The following PLD5 variants were observed in gnomAD, a reference collection of about 807,000 sequenced individuals.
PLD5 encodes phospholipase D family member 5, also known as inactive phospholipase D5.
A neutral mutation model predicts 61.1 loss-of-function variants in PLD5; 36 were observed. The ratio of observed to expected loss-of-function variants is 0.59; its 90% confidence interval spans 0.45 to 0.78. The LOEUF (loss-of-function observed/expected upper bound fraction) is 0.78. PLD5 is among the 30% of genes least tolerant of loss of function. The probability of loss-of-function intolerance (pLI) is 0.00; values close to 1 mark genes in which losing one functional copy is unlikely to be tolerated. For missense variants in PLD5, 515 were observed against 644.4 expected (o/e 0.80, Z 2.17); for synonymous variants, 243 against 242.8 (o/e 1.00, Z -0.01).
intron 1 of PLD5, among the ~76,000 whole-genome samples, chr1:242,369,998 T>G (rs1273152845): frequency 6.6e-6 from 1 of 152,178 alleles, no homozygotes; most frequent in Admixed American, 6.5e-5. Flanking sequence ...TATGTTTTTC[T>G]GGATAAGAAA....
intron 1 of PLD5, among the ~76,000 whole-genome samples, chr1:242,430,058 G>C (rs1665635898): frequency 6.6e-6 from 1 of 152,052 alleles, no homozygotes; most frequent in East Asian, 1.9e-4. Context: ...GCCACCTTAG[G>C]CTCCACAAGT....
At chr1:242,449,040 G>T (rs1273046829) in intron 1 of PLD5, among the ~76,000 whole-genome samples, 1 of 152,184 alleles carries the variant, frequency 6.6e-6, no homozygotes, top group Admixed American at 6.5e-5. Context: ...AGAGGAAAGA[G>T]CACACTTCAG....
At position 242,089,076 on chromosome 1, in the gene PLD5, CTG is replaced by C. The variant is rs369787380; in HGVS notation, c.*776_*777del. 529 of 365,272 alleles carry C rather than the reference CTG, an allele frequency of 1.4e-3. 5 individuals are homozygous for C. The highest frequency in any genetic ancestry group is 0.01 in the African/African-American group (490 of 48,046). The allele number at this position is 365,272 out of a possible 1,614,324, so 22.6% of individuals were successfully genotyped here. ...TGAGAGAAAGGATACATATTGCTGACTGTGATTTTTTTTAAATACCAATTCGG... is the reference window on the plus strand; with the variant it reads ...TGAGAGAAAGGATACATATTGCTGACTGATTTTTTTTAAATACCAATTCGG... On this transcript the variant is annotated 3_prime_UTR_variant, in exon 10 of 10. Transcript: ENST00000536534.
intron 1 of PLD5, among the ~76,000 whole-genome samples, chr1:242,413,824 A>G (rs773686811): frequency 4.6e-5 from 7 of 152,190 alleles, no homozygotes; most frequent in Non-Finnish European, 1.0e-4. Context: ...TGGATGACCA[A>G]TAAGTGGTAT....
chr1:242,168,250 G>A (rs111957749), intron 5 of PLD5, among the ~76,000 whole-genome samples: 76 of 152,236 alleles, frequency 5.0e-4, no homozygotes, highest in African/African-American at 1.3e-3. Flanking sequence ...TAATATGAAC[G>A]TGTCAACAAT....
chr1:242,516,917 A>G lies in PLD5; in HGVS notation c.189+7171T>C, dbSNP rs1282823915. Among the ~76,000 whole-genome samples the G allele has an allele frequency of 4.6e-5, 7 of 152,244 alleles. No homozygotes were observed. In the South Asian group the frequency reaches 1.0e-3, roughly 23 times the overall value. ...AGGTCAATTTAGGGGAGAATTAAAAAGAAGTCTTACCAGCTTTTATTAAAT... is the reference window on the plus strand; with the variant it reads ...AGGTCAATTTAGGGGAGAATTAAAAGGAAGTCTTACCAGCTTTTATTAAAT... On this transcript the variant is annotated intron_variant, in intron 1 of 9. Transcript: ENST00000536534.
rs11361107 is a variant in PLD5 at position 242,404,875 on chromosome 1, A to ATTTTTTTTTTTTTTTTTTTTTTTTTTTT, written c.190-56634_190-56633insAAAAAAAAAAAAAAAAAAAAAAAAAAAA. Among the ~76,000 whole-genome samples the ATTTTTTTTTTTTTTTTTTTTTTTTTTTT allele has an allele frequency of 6.6e-5, 5 of 75,394 alleles. 1 individual carries two copies. Among genetic ancestry groups the ATTTTTTTTTTTTTTTTTTTTTTTTTTTT allele is most frequent in the African/African-American group, 2.4e-4 (4 of 16,360 alleles). The allele number at this position is 75,394 out of a possible 152,430, so 49.5% of individuals were successfully genotyped here. A position where few individuals can be genotyped will look rare whatever the true frequency, so the allele number is the denominator to read the frequency against. On this transcript the variant is annotated intron_variant, in intron 1 of 9. Transcript: ENST00000536534. ...CATGCCTCTTATCTGTTCCCTGCTA[A>ATTTTTTTTTTTTTTTTTTTTTTTTTTTT]TTTTTTTTTTTTTTTTTTTTTTGAG...
At chr1:242,103,064 C>T (rs970921963) in intron 8 of PLD5, among the ~76,000 whole-genome samples, 3 of 152,132 alleles carry the variant, frequency 2.0e-5, no homozygotes, top group African/African-American at 7.2e-5. Flanking sequence ...GACATGGACC[C>T]GTGACTTGGC....
intron 1 of PLD5, among the ~76,000 whole-genome samples, chr1:242,438,225 G>C (rs1019129421): frequency 1.3e-5 from 2 of 151,688 alleles, no homozygotes; most frequent in Admixed American, 1.3e-4. Context: ...CAGGGATGGC[G>C]TGACAGCATG....
intron 3 of PLD5, among the ~76,000 whole-genome samples, chr1:242,274,286 G>A (rs1234408252): frequency 1.3e-5 from 2 of 152,202 alleles, no homozygotes; most frequent in African/African-American, 2.4e-5. Context: ...CAGTGCTTAC[G>A]CCTATAATCC....
intron 1 of PLD5, among the ~76,000 whole-genome samples, chr1:242,383,015 G>A (rs1450636250): frequency 6.6e-6 from 1 of 152,082 alleles, no homozygotes; most frequent in Non-Finnish European, 1.5e-5. Context: ...TTGATTTGTG[G>A]TAGAAACAAA....
intron 1 of PLD5, among the ~76,000 whole-genome samples, chr1:242,387,143 C>T (rs996726184): frequency 1.3e-5 from 2 of 152,148 alleles, no homozygotes; most frequent in Admixed American, 1.3e-4. Flanking sequence ...ATAGATACTC[C>T]TGTTCATGGA....
At chr1:242,138,608 C>A (rs1663926858) in intron 5 of PLD5, among the ~76,000 whole-genome samples, 1 of 152,146 alleles carries the variant, frequency 6.6e-6, no homozygotes, top group South Asian at 2.1e-4. Flanking sequence ...ACATATTTTT[C>A]TGTAAACATA....
At chr1:242,408,893 C>G (rs1247071968) in intron 1 of PLD5, among the ~76,000 whole-genome samples, 1 of 151,996 alleles carries the variant, frequency 6.6e-6, no homozygotes, top group African/African-American at 2.4e-5. Flanking sequence ...ATGGTGAAAC[C>G]CTGTCTCTAC....
At chr1:242,495,658 T>C (rs933453698) in intron 1 of PLD5, among the ~76,000 whole-genome samples, 2 of 152,190 alleles carry the variant, frequency 1.3e-5, no homozygotes, top group African/African-American at 4.8e-5. Context: ...AAATAGAATG[T>C]TAACAAGGAG....
intron 1 of PLD5, among the ~76,000 whole-genome samples, chr1:242,402,289 CTT>C (rs1438001674): frequency 6.6e-6 from 1 of 150,410 alleles, no homozygotes; most frequent in Non-Finnish European, 1.5e-5. Flanking sequence ...AAGTAAGACA[CTT>C]TTTATTTTTT....
At chr1:242,373,276 C>T (rs1208731961) in intron 1 of PLD5, among the ~76,000 whole-genome samples, 9 of 152,004 alleles carry the variant, frequency 5.9e-5, no homozygotes, top group Non-Finnish European at 7.4e-5. Context: ...GTTAGAATGG[C>T]GATCATTAAA....
chr1:242,422,094 A>C (rs1030695959), intron 1 of PLD5, among the ~76,000 whole-genome samples: 1 of 152,210 alleles, frequency 6.6e-6, no homozygotes, highest in African/African-American at 2.4e-5. Context: ...TTTTATGAGT[A>C]AGCCTGTCCC....
At chr1:242,189,480 C>A (rs1179142576) in intron 5 of PLD5, among the ~76,000 whole-genome samples, 1 of 148,532 alleles carries the variant, frequency 6.7e-6, no homozygotes, top group African/African-American at 2.5e-5. Context: ...GATTTTAGAG[C>A]TCTGTCCACA....
Sources: gnomAD v4.1 joint callset for allele counts (sites outside exome capture counted in the v4.1 genomes callset) on GRCh38, gnomAD v4.1.1 for gene constraint, MANE v1.5 for transcripts, NCBI Gene and HGNC (gene_info 2026-07-23, HGNC 2026-07-21) for gene names.